SOCS6: variants seen among roughly 807,000 people sequenced by gnomAD.
SOCS6 encodes the protein suppressor of cytokine signaling 6.
SOCS6 carries 5 observed loss-of-function variants against 27.7 expected under a neutral mutation model. The ratio of observed to expected loss-of-function variants is 0.18; its 90% confidence interval spans 0.09 to 0.38. The LOEUF is 0.38. SOCS6 is among the 10% of genes least tolerant of loss of function. The probability of loss-of-function intolerance (pLI) is 1.00; values close to 1 mark genes in which losing one functional copy is unlikely to be tolerated. For synonymous variants in SOCS6, 271 were observed against 260.0 expected, an observed-to-expected ratio of 1.04 and a Z score of -0.41; for missense variants, 595 against 688.1, an observed-to-expected ratio of 0.86 and a Z score of 1.51.
chr18:70,311,604 G>T (rs2062391117), intron 1 of SOCS6, among the ~76,000 whole-genome samples: 1 of 152,082 alleles, frequency 6.6e-6, no homozygotes, highest in Non-Finnish European at 1.5e-5. Flanking sequence ...GAAAATAAAA[G>T]TCAACTTCCT....
intron 1 of SOCS6, among the ~76,000 whole-genome samples, chr18:70,295,594 TAAAAA>T (rs1286059639): frequency 2.0e-5 from 3 of 152,234 alleles, no homozygotes; most frequent in Admixed American, 1.3e-4. Context: ...CTTTTAAAGT[TAAAAA>T]AGAAAAGTGA....
intron 1 of SOCS6, among the ~76,000 whole-genome samples, chr18:70,306,918 A>C (rs1255739585): frequency 6.6e-6 from 1 of 152,168 alleles, no homozygotes; most frequent in Non-Finnish European, 1.5e-5. Flanking sequence ...CATTTGGTCA[A>C]GGTATATAAT....
At chr18:70,296,394 G>C (rs945652005) in intron 1 of SOCS6, among the ~76,000 whole-genome samples, 3 of 152,136 alleles carry the variant, frequency 2.0e-5, no homozygotes, top group African/African-American at 7.2e-5. Context: ...CGCCTCCCTT[G>C]GCCTCTTCCT....
chr18:70,311,793 C>G (rs566733531), intron 1 of SOCS6, among the ~76,000 whole-genome samples: 6 of 152,246 alleles, frequency 3.9e-5, no homozygotes, highest in African/African-American at 1.4e-4. Context: ...CTACAACATT[C>G]CCTTGTATTG....
chr18:70,316,869 A>G (rs966893911), intron 1 of SOCS6, among the ~76,000 whole-genome samples: 3 of 152,312 alleles, frequency 2.0e-5, no homozygotes, highest in East Asian at 1.9e-4. Context: ...TTAAATGTCT[A>G]TTGACTGAAC....
At chr18:70,318,042 A>G (rs1002552012) in intron 1 of SOCS6, among the ~76,000 whole-genome samples, 1 of 152,146 alleles carries the variant, frequency 6.6e-6, no homozygotes, top group Non-Finnish European at 1.5e-5. Context: ...TTTGGTAGAG[A>G]TGGAGTTTCA....
chr18:70,329,262 C>T lies in SOCS6; in HGVS notation c.*2986C>T, dbSNP rs1451764065. On this transcript the variant is annotated 3_prime_UTR_variant, in exon 2 of 2. Coordinates refer to ENST00000397942, the MANE Select transcript of SOCS6 (RefSeq NM_004232.4). The stretch of plus-strand genomic sequence containing the variant: ...TATGTCACAGGAAATGATCATAGAC[C>T]TAAAAATAGTTTTTAAGGAAACCAG... 6.0e-6 allele frequency: 1 copy of T among 166,878 alleles called. No homozygotes were observed. Among genetic ancestry groups the T allele is most frequent in the Non-Finnish European group, 1.5e-5 (1 of 68,060 alleles). 10.3% of individuals were successfully genotyped at this position (166,878 alleles called of 1,614,324 possible). A position where few individuals can be genotyped will look rare whatever the true frequency, so the allele number is the denominator to read the frequency against.
intron 1 of SOCS6, among the ~76,000 whole-genome samples, chr18:70,322,814 G>T (rs1568604659): frequency 6.6e-6 from 1 of 152,174 alleles, no homozygotes; most frequent in South Asian, 2.1e-4. Flanking sequence ...TGTCTAATCT[G>T]AGTGGTTTTT....
chr18:70,326,340 A>G lies in SOCS6; in HGVS notation c.*64A>G. 3.0e-6 allele frequency: 4 copies of G among 1,341,186 alleles called. No homozygotes were observed. Among genetic ancestry groups the G allele is most frequent in the Admixed American group, 4.4e-5 (2 of 45,422 alleles). 83.1% of individuals were successfully genotyped at this position (1,341,186 alleles called of 1,614,324 possible). ...AACAAGAGATTGAAATACAGTTTAC[A>G]AACTTTCATTGCCATCAAAATCTTT... On this transcript the variant is annotated 3_prime_UTR_variant, in exon 2 of 2. Transcript: ENST00000397942.
intron 1 of SOCS6, among the ~76,000 whole-genome samples, chr18:70,316,719 T>A (rs1174150543): frequency 2.0e-5 from 3 of 152,144 alleles, no homozygotes; most frequent in African/African-American, 7.2e-5. Context: ...TTCTTCAAAA[T>A]TTTTCAGAAT....
chr18:70,308,766 A>G (rs898478801), intron 1 of SOCS6, among the ~76,000 whole-genome samples: 6 of 152,088 alleles, frequency 3.9e-5, no homozygotes, highest in African/African-American at 9.7e-5. Context: ...TGTGTTTACA[A>G]TTGCTGTGTC....
At chr18:70,307,310 T>G (rs956035392) in intron 1 of SOCS6, among the ~76,000 whole-genome samples, 1 of 152,152 alleles carries the variant, frequency 6.6e-6, no homozygotes, top group Non-Finnish European at 1.5e-5. Flanking sequence ...GGATATTGAT[T>G]TGTAGTTTTC....
At chr18:70,318,470 A>G (rs982706645) in intron 1 of SOCS6, among the ~76,000 whole-genome samples, 2 of 152,194 alleles carry the variant, frequency 1.3e-5, no homozygotes, top group African/African-American at 4.8e-5. Context: ...ACTTAGTACA[A>G]CTAGCTGGTA....
chr18:70,309,614 AC>A (rs1181078383), intron 1 of SOCS6, among the ~76,000 whole-genome samples: 1 of 152,126 alleles, frequency 6.6e-6, no homozygotes, highest in Non-Finnish European at 1.5e-5. Flanking sequence ...AAATAATGCT[AC>A]CTTAATACTG....
intron 1 of SOCS6, among the ~76,000 whole-genome samples, chr18:70,318,469 AACTAGCTGG>A (rs1200106505): frequency 6.6e-6 from 1 of 152,200 alleles, no homozygotes; most frequent in African/African-American, 2.4e-5. Flanking sequence ...CACTTAGTAC[AACTAGCTGG>A]TAGCATAAGA....
chr18:70,302,223 G>A lies in SOCS6; in HGVS notation c.-127+13133G>A, dbSNP rs2062351180. 3.3e-5 allele frequency among the ~76,000 whole-genome samples: 5 copies of A among 151,308 alleles called. No individual in the cohort carries two copies. The South Asian group carries it at 8.5e-4, about 26-fold the overall frequency. On this transcript the variant is annotated intron_variant, in intron 1 of 1. Coordinates refer to ENST00000397942, the MANE Select transcript of SOCS6 (RefSeq NM_004232.4). ...GGAGTAGATGGAAACATGGTGCTGA[G>A]TGGGTAGATGGGAGCCGAGTCCAAG...
At chr18:70,305,792 G>C (rs946316587) in intron 1 of SOCS6, among the ~76,000 whole-genome samples, 1 of 152,038 alleles carries the variant, frequency 6.6e-6, no homozygotes, top group Non-Finnish European at 1.5e-5. Context: ...TTATTCCTCA[G>C]TCATTTTATA....
At chr18:70,298,198 G>GC (rs1452452115) in intron 1 of SOCS6, among the ~76,000 whole-genome samples, 2 of 151,996 alleles carry the variant, frequency 1.3e-5, no homozygotes, top group Non-Finnish European at 2.9e-5. Flanking sequence ...AAAACACTTT[G>GC]CTACAGTACA....
intron 1 of SOCS6, among the ~76,000 whole-genome samples, chr18:70,317,419 GGTGTGTGT>G (rs139320786): frequency 6.8e-6 from 1 of 148,080 alleles, no homozygotes. Context: ...AGTATTCCAT[GGTGTGTGT>G]GTGTGTGTGT....
Sources: allele counts gnomAD v4.1 joint callset (sites outside exome capture counted in the v4.1 genomes callset), GRCh38; gene constraint gnomAD v4.1.1; transcripts MANE v1.5; gene names NCBI Gene and HGNC (gene_info 2026-07-23, HGNC 2026-07-21).